Variants in LRP4 observed in about 807,000 individuals in gnomAD.
LRP4 encodes low-density lipoprotein receptor-related protein 4.
In LRP4, 95 loss-of-function variants were observed where a neutral mutation model predicts 220.3. The observed-to-expected ratio is 0.43, with a 90% CI of 0.37 to 0.51. LRP4 has a LOEUF of 0.51. Ranked by LOEUF, LRP4 falls within the 20% of genes least tolerant of loss-of-function variation. The pLI, the probability that LRP4 is intolerant of heterozygous loss-of-function variation, is 0.00. For missense variants in LRP4, 1,925 were observed against 2,567.0 expected (o/e 0.75, Z 5.40); for synonymous variants, 903 against 954.6 (o/e 0.95, Z 1.00).
chr11:46,872,942 T>C, intron 30 of LRP4, 158 bp downstream of exon 30: 1 of 1,102,986 alleles, frequency 9.1e-7, no homozygotes, highest in Non-Finnish European at 1.4e-6. Context: ...GATTTAGCAA[T>C]CGCTGCTCTA....
At chr11:46,913,738 TAAG>T (rs1941905874) in intron 1 of LRP4, among the ~76,000 whole-genome samples, 1 of 152,068 alleles carries the variant, frequency 6.6e-6, no homozygotes, top group Non-Finnish European at 1.5e-5. Flanking sequence ...CCTGACCACT[TAAG>T]AAGGGAAACT....
intron 13 of LRP4, 123 bp downstream of exon 13, chr11:46,892,850 G>A (rs935096978): frequency 9.0e-6 from 11 of 1,227,314 alleles, no homozygotes; most frequent in Middle Eastern, 5.3e-4. Context: ...GATTACAGGC[G>A]TGAGCCACCG....
chr11:46,895,302 C>T lies in LRP4; in HGVS notation c.1184-11G>A, dbSNP rs112493413. 10 of 1,611,918 alleles carry T rather than the reference C, an allele frequency of 6.2e-6. No homozygotes were observed. In the African/African-American group the frequency reaches 9.3e-5, roughly 15 times the overall value. ...CACATTCATTCACATCTGGGAACAC[C>T]AGGCAGGTCAAGAGATCTCCCTTCT... On this transcript the variant is annotated splice_polypyrimidine_tract_variant and intron_variant, in intron 10 of 37. Transcript: ENST00000378623.
At chr11:46,885,495 T>C (rs559827135) in intron 18 of LRP4, among the ~76,000 whole-genome samples, 4 of 152,216 alleles carry the variant, frequency 2.6e-5, no homozygotes, top group South Asian at 4.2e-4. Flanking sequence ...CTGATTTGGC[T>C]AGGCGCGGTG....
chr11:46,859,158 A>G lies in LRP4; in HGVS notation c.5543T>C (p.Val1848Ala), dbSNP rs1940466747. Residue 1848 changes from valine (V) to alanine (A), a missense_variant, in exon 38 of 38, where the codon GTG (valine) becomes GCG (alanine). Coordinates refer to ENST00000378623, the MANE Select transcript of LRP4 (RefSeq NM_002334.4). ...RDHVCMKTDT[V>A]SIQASSGSLD... ...GGAGCCAGAGCTGGCCTGGATGGAC[A>G]CCGTGTCTGTCTTCATGCATACATG... The G allele has an allele frequency of 6.2e-7, 1 of 1,613,986 alleles. No individual in the cohort carries two copies. The highest frequency in any genetic ancestry group is 1.7e-5 in the Admixed American group (1 of 59,994).
chr11:46,904,511 G>T (rs1422748078), intron 1 of LRP4, among the ~76,000 whole-genome samples: 5 of 74,774 alleles, frequency 6.7e-5, no homozygotes, highest in Admixed American at 5.6e-4. Context: ...ACGGACAGAC[G>T]GATGGATGGA....
At chr11:46,880,525 T>C (rs1472890769) in intron 20 of LRP4, among the ~76,000 whole-genome samples, 3 of 152,036 alleles carry the variant, frequency 2.0e-5, no homozygotes, top group Non-Finnish European at 4.4e-5. Context: ...TGGTCCCAGC[T>C]ACGTGGGAGG....
At chr11:46,893,232 G>A (rs1308795816) in intron 12 of LRP4, 103 bp from the exon 13 acceptor site, 2 of 1,162,528 alleles carry the variant, frequency 1.7e-6, no homozygotes, top group African/African-American at 1.5e-5. Context: ...TTTGGGCCAG[G>A]CACTATTGTC....
intron 1 of LRP4, among the ~76,000 whole-genome samples, chr11:46,913,869 G>A (rs974824077): frequency 6.6e-6 from 1 of 152,092 alleles, no homozygotes; most frequent in South Asian, 2.1e-4. Flanking sequence ...GCACAAGTGG[G>A]AACTATGCTT....
rs1941385134 is a variant in LRP4 at position 46,889,982 on chromosome 11, A to G, written c.2054T>C (p.Met685Thr). 6.2e-7 allele frequency: 1 copy of G among 1,614,060 alleles called. No homozygotes were observed. Among genetic ancestry groups the G allele is most frequent in the Admixed American group, 1.7e-5 (1 of 59,990 alleles). ...EIIRNKLHFP[M>T]DIHTLHPQRQ... ...CTGGGGGTGCAAGGTGTGGATGTCC[A>G]TAGGGAAGTGGAGTTTGTTGCGAAT... Residue 685 changes from methionine to threonine, a missense_variant, in exon 15 of 38, where the codon ATG (methionine) becomes ACG (threonine). Transcript: ENST00000378623.
chr11:46,872,943 C>T lies in LRP4; in HGVS notation c.4583+157G>A, dbSNP rs544032113. 3.5e-5 allele frequency: 39 copies of T among 1,116,518 alleles called. 1 individual carries two copies. The South Asian group carries it at 3.7e-4, about 11-fold the overall frequency. 69.2% of individuals were successfully genotyped at this position (1,116,518 alleles called of 1,614,324 possible). On this transcript the variant is annotated intron_variant, in intron 30 of 37. Coordinates refer to ENST00000378623, the MANE Select transcript of LRP4 (RefSeq NM_002334.4). ...AGGGTTGAGGGCTGGATTTAGCAAT[C>T]GCTGCTCTAAGAATATATTCCCTTA...
chr11:46,913,551 C>T (rs1346204319), intron 1 of LRP4, among the ~76,000 whole-genome samples: 1 of 152,112 alleles, frequency 6.6e-6, no homozygotes, highest in Non-Finnish European at 1.5e-5. Flanking sequence ...TCCACAACAG[C>T]CCAGCTCCCA....
Position 46,869,274 on chromosome 11 carries a change from G to A in LRP4, c.4693-142C>T, listed in dbSNP as rs368757060. The A allele has an allele frequency of 3.6e-5, 29 of 806,246 alleles. No homozygotes were observed. In the African/African-American group the frequency reaches 3.7e-4, roughly 10 times the overall value. The allele number at this position is 806,246 out of a possible 1,614,324, so 49.9% of individuals were successfully genotyped here. On this transcript the variant is annotated intron_variant, in intron 31 of 37. Coordinates refer to ENST00000378623, the MANE Select transcript of LRP4 (RefSeq NM_002334.4). ...TCTTCCTCATTTCTGTGCATCAACA[G>A]ACATGACATTGTCAAGGAAATCTCC...
Position 46,879,315 on chromosome 11 carries a change from C to T in LRP4, c.2815G>A (p.Val939Met), listed in dbSNP as rs1941095819. The T allele has an allele frequency of 8.7e-6, 14 of 1,613,982 alleles. No homozygotes were observed. The highest frequency in any genetic ancestry group is 1.2e-5 in the Non-Finnish European group (14 of 1,180,024). The change falls in exon 21 of 38, where the codon GTG (valine) becomes ATG (methionine). Residue 939 changes from valine to methionine, a missense_variant and splice_region_variant. Coordinates refer to ENST00000378623, the MANE Select transcript of LRP4 (RefSeq NM_002334.4). ...TGGGGGAGCTGGCTTCCAATCAGCA[C>T]CTGCCAGGGCCCCAACACTGTGTCA... ...FAGLDGSKRK[V>M]LIGSQLPHPF...
chr11:46,871,408 A>G (rs889778860), intron 31 of LRP4, 117 bp downstream of exon 31: 1 of 804,546 alleles, frequency 1.2e-6, no homozygotes, highest in African/African-American at 1.7e-5. Context: ...AAAATCCCTA[A>G]AATGAGCTGC....
intron 1 of LRP4, among the ~76,000 whole-genome samples, chr11:46,916,930 C>A (rs1008848907): frequency 2.0e-5 from 3 of 152,306 alleles, no homozygotes; most frequent in African/African-American, 7.2e-5. Flanking sequence ...AATAACCTTC[C>A]AGGAGAGAGC....
At chr11:46,888,372 G>A (rs1941343978) in intron 16 of LRP4, among the ~76,000 whole-genome samples, 1 of 151,544 alleles carries the variant, frequency 6.6e-6, no homozygotes, top group African/African-American at 2.4e-5. Context: ...AGACCAACAT[G>A]GAGAAACCCC....
Position 46,890,367 on chromosome 11 carries a change from C to T in LRP4, c.1825G>A (p.Gly609Arg), listed in dbSNP as rs1389594811. 1.8e-5 allele frequency: 29 copies of T among 1,613,982 alleles called. No homozygotes were observed. Among genetic ancestry groups the T allele is most frequent in the Middle Eastern group, 1.6e-4 (1 of 6,084 alleles). Residue 609 changes from glycine (G) to arginine (R), a missense_variant, in exon 14 of 38, where the codon GGG (glycine) becomes AGG (arginine). Coordinates refer to ENST00000378623, the MANE Select transcript of LRP4 (RefSeq NM_002334.4). The surrounding 1 kb of genome is among the most constrained non-coding windows in gnomAD (Gnocchi z 5.3). The stretch of plus-strand genomic sequence containing the variant: ...GCATCCACCCAGTACATACGGCGCC[C>T]GGCATAGTCGATGGTGAGGCCATTG... ...WPNGLTIDYAGRRMYWVDAKH... is the reference protein window; with the variant it reads ...WPNGLTIDYARRRMYWVDAKH...
rs1285042004 is a variant in LRP4 at position 46,896,928 on chromosome 11, C to A, written c.863G>T (p.Arg288Leu). ...HSGRCVRLSW[R>L]CDGEDDCADN... The stretch of plus-strand genomic sequence containing the variant: ...TGCACAGTCGTCCTCCCCATCACAG[C>A]GCCAGGACAGGCGGACACAGCGGCC... Residue 288 changes from arginine (R) to leucine (L), a missense_variant, in exon 8 of 38, where the codon CGC (arginine) becomes CTC (leucine). Around this residue, in one of 3 missense-constraint regions of LRP4, gnomAD observed 412 missense variants for 505.4 expected, o/e 0.82. Coordinates refer to ENST00000378623, the MANE Select transcript of LRP4 (RefSeq NM_002334.4). 1 of 1,614,132 alleles carries A rather than the reference C, an allele frequency of 6.2e-7. No homozygotes were observed. The highest frequency in any genetic ancestry group is 1.3e-5 in the African/African-American group (1 of 74,956).
Sources: allele counts gnomAD v4.1 joint callset (sites outside exome capture counted in the v4.1 genomes callset), GRCh38; gene constraint gnomAD v4.1.1; regional missense constraint gnomAD v4.1.1; non-coding constraint Gnocchi (gnomAD v3.1); transcripts MANE v1.5; gene names NCBI Gene and HGNC (gene_info 2026-07-23, HGNC 2026-07-21).